SGCD: variants seen among roughly 807,000 people sequenced by gnomAD.
SGCD encodes delta-sarcoglycan.
In SGCD, 18 loss-of-function variants were observed where a neutral mutation model predicts 36.6. The observed-to-expected ratio is 0.49, with a 90% confidence interval of 0.34 to 0.73. The LOEUF is 0.73. Ranked by LOEUF, SGCD falls within the 30% of genes least tolerant of loss-of-function variation. The probability of loss-of-function intolerance (pLI) is 0.01; values close to 1 mark genes in which losing one functional copy is unlikely to be tolerated. For missense variants in SGCD, 387 were observed against 346.7 expected, an observed-to-expected ratio of 1.12 and a Z score of -0.92; for synonymous variants, 133 against 130.6, an observed-to-expected ratio of 1.02 and a Z score of -0.12.
chr5:156,288,703 G>A (rs911037895), intron 3 of SGCD, among the ~76,000 whole-genome samples: 2 of 152,068 alleles, frequency 1.3e-5, no homozygotes, highest in African/African-American at 2.4e-5. Flanking sequence ...AAATAAACAT[G>A]TCTTTAGTTC....
rs535273046 is a variant in SGCD, at chr5:156,541,387, G to T, written c.294+32685G>T. ...GCAAGAGTAGGAACAAAGAGATCAGGGAGGGAGCTCCTCGGTGGTTCAGGT... is the reference window on the plus strand; with the variant it reads ...GCAAGAGTAGGAACAAAGAGATCAGTGAGGGAGCTCCTCGGTGGTTCAGGT... On this transcript the variant is annotated intron_variant, in intron 4 of 8. Coordinates refer to ENST00000337851, the MANE Select transcript of SGCD (RefSeq NM_000337.6). Among the ~76,000 whole-genome samples, 3 of 152,244 alleles carry T rather than the reference G, an allele frequency of 2.0e-5. No homozygotes were observed. The South Asian group carries it at 6.2e-4, about 32-fold the overall frequency.
chr5:156,033,335 C>A (rs1256504330), intron 1 of SGCD, among the ~76,000 whole-genome samples: 1 of 152,026 alleles, frequency 6.6e-6, no homozygotes, highest in Non-Finnish European at 1.5e-5. Flanking sequence ...TACCCGTCAC[C>A]CAAATAGTGA....
intron 3 of SGCD, among the ~76,000 whole-genome samples, chr5:156,367,920 T>G (rs1770190107): frequency 6.6e-6 from 1 of 152,242 alleles, no homozygotes; most frequent in Non-Finnish European, 1.5e-5. Flanking sequence ...TTGTGAAATC[T>G]GTGCCCTTAT....
chr5:156,690,705 C>A (rs545268905), intron 7 of SGCD, among the ~76,000 whole-genome samples: 1 of 152,068 alleles, frequency 6.6e-6, no homozygotes, highest in South Asian at 2.1e-4. Flanking sequence ...AAGGAGTATA[C>A]AATAAACAGA....
At chr5:156,500,671 C>T (rs1271714085) in intron 3 of SGCD, among the ~76,000 whole-genome samples, 2 of 152,166 alleles carry the variant, frequency 1.3e-5, no homozygotes, top group Non-Finnish European at 2.9e-5. Flanking sequence ...CTGCAACCTA[C>T]TCATCTAACA....
At chr5:156,614,456 T>G (rs749162600) in intron 6 of SGCD, among the ~76,000 whole-genome samples, 1 of 152,148 alleles carries the variant, frequency 6.6e-6, no homozygotes, top group Non-Finnish European at 1.5e-5. Context: ...GGCAATAGTT[T>G]CCAGGTATTC....
the SGCD span, among the ~76,000 whole-genome samples, chr5:155,766,778 A>G: frequency 6.6e-6 from 1 of 152,266 alleles, no homozygotes; most frequent in Admixed American, 6.5e-5. Context: ...CATTTTACAG[A>G]TGAGCAAATT....
chr5:155,918,846 C>T (rs1380885172), intron 1 of SGCD, among the ~76,000 whole-genome samples: 1 of 152,164 alleles, frequency 6.6e-6, no homozygotes, highest in African/African-American at 2.4e-5. Context: ...TTATCTTCCC[C>T]CTTCTCCTCC....
intron 3 of SGCD, among the ~76,000 whole-genome samples, chr5:156,411,068 GC>G (rs1772722843): frequency 6.6e-6 from 1 of 152,076 alleles, no homozygotes; most frequent in South Asian, 2.1e-4. Flanking sequence ...AAATCATATT[GC>G]TTTTATATGA....
chr5:156,241,588 AGCATTTTCTT>A (rs1301020012), intron 3 of SGCD, among the ~76,000 whole-genome samples: 2 of 152,164 alleles, frequency 1.3e-5, no homozygotes, highest in Non-Finnish European at 2.9e-5. Flanking sequence ...GAACTTTCCC[AGCATTTTCTT>A]CCATTTCTTT....
At chr5:156,487,234 G>T (rs536436275) in intron 3 of SGCD, among the ~76,000 whole-genome samples, 1 of 152,288 alleles carries the variant, frequency 6.6e-6, no homozygotes, top group East Asian at 1.9e-4. Context: ...ATAACTTGCA[G>T]ACACCATTCA....
At chr5:156,547,458 T>C (rs1299663442) in intron 4 of SGCD, among the ~76,000 whole-genome samples, 1 of 146,472 alleles carries the variant, frequency 6.8e-6, no homozygotes, top group African/African-American at 2.5e-5. Context: ...TTTTTTTTCT[T>C]TTGAGATGGA....
the SGCD span, among the ~76,000 whole-genome samples, chr5:155,779,382 G>C: frequency 5.9e-5 from 9 of 152,032 alleles, no homozygotes; most frequent in South Asian, 2.1e-4. Context: ...AGGCTGCAGT[G>C]AACTGTGATC....
intron 4 of SGCD, among the ~76,000 whole-genome samples, chr5:156,512,911 T>A (rs559003639): frequency 6.6e-6 from 1 of 152,258 alleles, no homozygotes; most frequent in South Asian, 2.1e-4. Flanking sequence ...ATTTAATGTC[T>A]AACTTAAGAG....
intron 3 of SGCD, among the ~76,000 whole-genome samples, chr5:156,496,054 G>A (rs543801792): frequency 2.9e-4 from 44 of 152,250 alleles, no homozygotes; most frequent in African/African-American, 9.9e-4. Flanking sequence ...GGGCCTAAAT[G>A]TAGCCTGTAT....
chr5:156,688,599 G>T (rs564695532), intron 7 of SGCD, among the ~76,000 whole-genome samples: 1 of 152,294 alleles, frequency 6.6e-6, no homozygotes, highest in Admixed American at 6.5e-5. Flanking sequence ...AAGGCTCGCA[G>T]GTAGAAATCC....
chr5:155,741,973 C>A, the SGCD span, among the ~76,000 whole-genome samples: 1 of 152,302 alleles, frequency 6.6e-6, no homozygotes, highest in South Asian at 2.1e-4. Context: ...GCGTGAGCCA[C>A]TGTGCCTGGC....
intron 4 of SGCD, among the ~76,000 whole-genome samples, chr5:156,517,917 G>C (rs557768244): frequency 2.0e-5 from 3 of 152,174 alleles, no homozygotes; most frequent in Non-Finnish European, 4.4e-5. Flanking sequence ...ATGGCATTAT[G>C]AAGCAACTAC....
intron 6 of SGCD, among the ~76,000 whole-genome samples, chr5:156,641,617 A>G (rs1368213220): frequency 6.6e-6 from 1 of 152,214 alleles, no homozygotes; most frequent in Non-Finnish European, 1.5e-5. Flanking sequence ...TGTGACTTAA[A>G]TATCAAATAC....
Sources: allele counts gnomAD v4.1 joint callset (sites outside exome capture counted in the v4.1 genomes callset), GRCh38; gene constraint gnomAD v4.1.1; transcripts MANE v1.5; gene names NCBI Gene and HGNC (gene_info 2026-07-23, HGNC 2026-07-21).